Variants in COX10 observed in about 807,000 individuals in gnomAD.
COX10 encodes the protein protoheme IX farnesyltransferase, mitochondrial.
COX10 carries 27 observed loss-of-function variants against 37.3 expected under a neutral mutation model. The observed-to-expected ratio is 0.72, with a 90% CI of 0.53 to 1.00. COX10 has a LOEUF of 1.00. Ranked by LOEUF, COX10 falls within the 50% of genes least tolerant of loss-of-function variation. The pLI is 0.00. For synonymous variants in COX10, 222 were observed against 229.1 expected, an observed-to-expected ratio of 0.97 and a Z score of 0.28; for missense variants, 475 against 563.2, an observed-to-expected ratio of 0.84 and a Z score of 1.59.
At chr17:14,197,709 C>T (rs1222801914) in intron 6 of COX10, among the ~76,000 whole-genome samples, 1 of 149,710 alleles carries the variant, frequency 6.7e-6, no homozygotes. Context: ...AGCTTTTCTC[C>T]CCGTCACAGT....
rs1196582940 is a variant in COX10, at chr17:14,102,226, C to T, written c.608C>T (p.Ala203Val). Residue 203 changes from alanine (A) to valine (V), a missense_variant, in exon 4 of 7, where the codon GCC becomes GTC. Ala to Val is a moderately conservative substitution (Grantham distance 64). Coordinates refer to ENST00000261643, the MANE Select transcript of COX10 (RefSeq NM_001303.4). ...SVGTGLASCA[A>V]NSINQFFEVP... ...GGGACAGGCCTTGCATCCTGTGCTGCCAACTCCATCAATCAGGTCAGTTTC... is the reference window on the plus strand; with the variant it reads ...GGGACAGGCCTTGCATCCTGTGCTGTCAACTCCATCAATCAGGTCAGTTTC... The T allele has an allele frequency of 1.2e-6, 2 of 1,613,496 alleles. No homozygotes were observed. The highest frequency in any genetic ancestry group is 2.2e-5 in the East Asian group (1 of 44,874).
At chr17:14,090,194 C>G (rs1915495368) in intron 3 of COX10, among the ~76,000 whole-genome samples, 2 of 151,976 alleles carry the variant, frequency 1.3e-5, no homozygotes, top group South Asian at 4.2e-4. Flanking sequence ...GATTGCCTCT[C>G]AACCTGCAGG....
chr17:14,202,371 C>T (rs767531005), intron 6 of COX10, among the ~76,000 whole-genome samples: 3 of 151,994 alleles, frequency 2.0e-5, no homozygotes, highest in South Asian at 2.1e-4. Flanking sequence ...ACTATAGGCA[C>T]GTGGCACCTT....
intron 5 of COX10, among the ~76,000 whole-genome samples, chr17:14,166,580 C>G (rs138349248): frequency 1.3e-5 from 2 of 149,574 alleles, no homozygotes; most frequent in African/African-American, 4.9e-5. Flanking sequence ...AACATCCATT[C>G]TGCAGCTCAT....
chr17:14,160,342 A>T (rs1397085268), intron 5 of COX10, among the ~76,000 whole-genome samples: 1 of 152,236 alleles, frequency 6.6e-6, no homozygotes, highest in Non-Finnish European at 1.5e-5. Flanking sequence ...TAAACTGATA[A>T]TGCTGTTGTA....
chr17:14,158,493 T>G (rs1359954954), intron 4 of COX10, among the ~76,000 whole-genome samples: 1 of 151,702 alleles, frequency 6.6e-6, no homozygotes, highest in Non-Finnish European at 1.5e-5. Flanking sequence ...GCACTAGTGT[T>G]TATTTTTTTC....
At chr17:14,143,770 A>C (rs1195916381) in intron 4 of COX10, among the ~76,000 whole-genome samples, 8 of 152,128 alleles carry the variant, frequency 5.3e-5, no homozygotes, top group Admixed American at 5.2e-4. Context: ...GTGTTCTCTG[A>C]TAGGCAAAAT....
At chr17:14,153,948 A>G (rs1324814795) in intron 4 of COX10, among the ~76,000 whole-genome samples, 1 of 152,264 alleles carries the variant, frequency 6.6e-6, no homozygotes, top group Non-Finnish European at 1.5e-5. Flanking sequence ...CTCAGCGATA[A>G]AAAGGAATGA....
chr17:14,180,887 A>G (rs534343860), intron 5 of COX10, among the ~76,000 whole-genome samples: 2 of 150,738 alleles, frequency 1.3e-5, no homozygotes, highest in Non-Finnish European at 3.0e-5. Context: ...TCTCTTTTGC[A>G]TGGTTTGTAA....
chr17:14,125,771 G>C (rs931580609), intron 4 of COX10, among the ~76,000 whole-genome samples: 12 of 152,150 alleles, frequency 7.9e-5, no homozygotes, highest in African/African-American at 2.9e-4. Context: ...ATTAAGCACA[G>C]TGTCTGAACT....
At chr17:14,159,663 A>G (rs753461521) in intron 4 of COX10, among the ~76,000 whole-genome samples, 11 of 148,232 alleles carry the variant, frequency 7.4e-5, no homozygotes, top group Admixed American at 1.4e-4. Context: ...AAAAGTAGAT[A>G]TTCCTGACAC....
intron 4 of COX10, among the ~76,000 whole-genome samples, chr17:14,108,128 A>G (rs1181445989): frequency 6.6e-6 from 1 of 152,150 alleles, no homozygotes; most frequent in African/African-American, 2.4e-5. Context: ...TTGTACATCC[A>G]TCACCTCTGC....
chr17:14,076,431 A>T (rs760846866), intron 2 of COX10, among the ~76,000 whole-genome samples: 1 of 140,116 alleles, frequency 7.1e-6, no homozygotes, highest in Non-Finnish European at 1.6e-5. Context: ...GCCTCCAGGG[A>T]AAATTCTGGA....
intron 6 of COX10, among the ~76,000 whole-genome samples, chr17:14,202,690 G>A (rs141058743): frequency 3.2e-4 from 49 of 152,194 alleles, no homozygotes; most frequent in African/African-American, 1.2e-3. Context: ...ACTCAGCAGT[G>A]TCTATCCTAG....
intron 5 of COX10, among the ~76,000 whole-genome samples, chr17:14,162,948 G>A (rs866513243): frequency 3.3e-4 from 51 of 152,260 alleles, no homozygotes; most frequent in African/African-American, 1.2e-3. Context: ...ACTGAAATCC[G>A]AAAACCTCAC....
chr17:14,138,248 C>T (rs1177153328), intron 4 of COX10, among the ~76,000 whole-genome samples: 1 of 152,064 alleles, frequency 6.6e-6, no homozygotes, highest in Non-Finnish European at 1.5e-5. Flanking sequence ...AAATCATGGA[C>T]TTTCCAGGTC....
At position 14,166,876 on chromosome 17, in the gene COX10, C is replaced by T. The variant is rs761035829; in HGVS notation, c.695+6929C>T. Among the ~76,000 whole-genome samples the T allele has an allele frequency of 1.2e-4, 18 of 149,532 alleles. No homozygotes were observed. The South Asian group carries it at 1.9e-3, about 16-fold the overall frequency. On this transcript the variant is annotated intron_variant, in intron 5 of 6. Transcript: ENST00000261643. ...GTCTCGAACTCCTGACCTTGTGATC[C>T]GCCCTCCTCAGCCTCCCAAAGTGCT...
At chr17:14,201,381 G>T (rs1906536322) in intron 6 of COX10, among the ~76,000 whole-genome samples, 1 of 152,156 alleles carries the variant, frequency 6.6e-6, no homozygotes, top group Admixed American at 6.5e-5. Context: ...ATCCATTAAG[G>T]CTAGGCTGTG....
At chr17:14,069,684 A>G in intron 1 of COX10, 36 bp downstream of exon 1, 3 of 1,613,412 alleles carry the variant, frequency 1.9e-6, no homozygotes. Flanking sequence ...CTTGGGGGAA[A>G]TTCTTCTCTT....
Sources: gnomAD v4.1 joint callset for allele counts (sites outside exome capture counted in the v4.1 genomes callset) on GRCh38, gnomAD v4.1.1 for gene constraint, MANE v1.5 for transcripts, NCBI Gene and HGNC (gene_info 2026-07-23, HGNC 2026-07-21) for gene names.